Variants in MPP7 observed in about 807,000 individuals in gnomAD.
The protein encoded by MPP7 is MAGUK p55 scaffold protein 7, also known as MAGUK p55 subfamily member 7.
A neutral mutation model predicts 76.5 loss-of-function variants in MPP7; 60 were observed. The ratio of observed to expected loss-of-function variants is 0.78; its 90% CI spans 0.64 to 0.97. The LOEUF (loss-of-function observed/expected upper bound fraction) is 0.97. Ranked by LOEUF, MPP7 falls within the 50% of genes least tolerant of loss-of-function variation. MPP7 has a pLI of 0.00. For missense variants in MPP7, 641 were observed against 694.0 expected (o/e 0.92, Z 0.86); for synonymous variants, 237 against 244.5 (o/e 0.97, Z 0.29).
At chr10:28,302,325 T>C (rs1286551374) in intron 1 of MPP7, among the ~76,000 whole-genome samples, 9 of 152,336 alleles carry the variant, frequency 5.9e-5, no homozygotes, top group African/African-American at 1.9e-4. Flanking sequence ...CTGCTTTTAA[T>C]TTTTTAAATA....
upstream of MPP7, among the ~76,000 whole-genome samples, chr10:28,303,797 G>A (rs551313575): frequency 2.6e-5 from 4 of 152,194 alleles, no homozygotes; most frequent in East Asian, 7.7e-4. Flanking sequence ...GGGCTACCCC[G>A]AAAAAACATG....
intron 3 of MPP7, among the ~76,000 whole-genome samples, chr10:28,161,074 G>A (rs1405844518): frequency 6.6e-6 from 1 of 152,084 alleles, no homozygotes; most frequent in African/African-American, 2.4e-5. Flanking sequence ...TTATAACATG[G>A]TCCCAGACTA....
intron 11 of MPP7, among the ~76,000 whole-genome samples, chr10:28,102,269 A>G (rs1487359982): frequency 1.3e-5 from 2 of 152,098 alleles, no homozygotes; most frequent in African/African-American, 4.8e-5. Context: ...CAGCCTCCGG[A>G]GTAGTTGGGA....
chr10:28,213,375 C>T (rs7893935), intron 2 of MPP7, among the ~76,000 whole-genome samples: 27,061 of 151,916 alleles, frequency 0.18, 2,757 homozygotes, highest in African/African-American at 0.27. Flanking sequence ...AGATGCCCCA[C>T]GTGGGGCAAA....
At chr10:28,175,036 T>C (rs985172635) in intron 3 of MPP7, among the ~76,000 whole-genome samples, 1 of 152,128 alleles carries the variant, frequency 6.6e-6, no homozygotes, top group Non-Finnish European at 1.5e-5. Context: ...GCTCATGCCA[T>C]CCCAGCACTT....
At chr10:28,314,292 T>G (rs1228600072) in intron 2 of MPP7, among the ~76,000 whole-genome samples, 1 of 152,214 alleles carries the variant, frequency 6.6e-6, no homozygotes, top group Non-Finnish European at 1.5e-5. Flanking sequence ...TTCACAGAAT[T>G]CTGATTTGTG....
chr10:28,130,562 G>A (rs552085801), intron 6 of MPP7, among the ~76,000 whole-genome samples: 5 of 152,282 alleles, frequency 3.3e-5, no homozygotes, highest in African/African-American at 9.6e-5. Context: ...TTTCAGCTTA[G>A]CTTCCAGCAC....
chr10:28,192,272 G>T (rs1262905952), intron 3 of MPP7, among the ~76,000 whole-genome samples: 1 of 152,054 alleles, frequency 6.6e-6, no homozygotes, highest in African/African-American at 2.4e-5. Flanking sequence ...CACTATATGA[G>T]AATTCCTAGC....
At chr10:28,164,404 T>C (rs1836373556) in intron 3 of MPP7, among the ~76,000 whole-genome samples, 1 of 151,976 alleles carries the variant, frequency 6.6e-6, no homozygotes, top group South Asian at 2.1e-4. Flanking sequence ...TATAGCTAAC[T>C]ATCCACTATT....
intron 2 of MPP7, among the ~76,000 whole-genome samples, chr10:28,215,165 A>G (rs1838267806): frequency 6.6e-6 from 1 of 151,738 alleles, no homozygotes; most frequent in Non-Finnish European, 1.5e-5. Context: ...ATCTTTAAAA[A>G]CTCTGCTCCC....
intron 2 of MPP7, among the ~76,000 whole-genome samples, chr10:28,327,023 A>T (rs190688213): frequency 1.3e-5 from 2 of 152,288 alleles, no homozygotes; most frequent in African/African-American, 4.8e-5. Flanking sequence ...GAGAGTCTGG[A>T]TACATTCCTC....
intron 2 of MPP7, among the ~76,000 whole-genome samples, chr10:28,219,766 T>C (rs1165245946): frequency 6.6e-6 from 1 of 152,114 alleles, no homozygotes; most frequent in Non-Finnish European, 1.5e-5. Flanking sequence ...AGAACATATA[T>C]CGACGCCCAG....
intron 3 of MPP7, among the ~76,000 whole-genome samples, chr10:28,176,458 G>A (rs1257928339): frequency 6.6e-6 from 1 of 152,190 alleles, no homozygotes; most frequent in Non-Finnish European, 1.5e-5. Flanking sequence ...GCACTGGCTG[G>A]GCATGGTGGC....
At chr10:28,169,144 G>A (rs905203391) in intron 3 of MPP7, among the ~76,000 whole-genome samples, 1 of 151,976 alleles carries the variant, frequency 6.6e-6, no homozygotes, top group Non-Finnish European at 1.5e-5. Flanking sequence ...ATCAGGTGTG[G>A]GTTGGCTTGT....
At chr10:28,087,028 C>T (rs1188903942) in intron 12 of MPP7, among the ~76,000 whole-genome samples, 5 of 152,290 alleles carry the variant, frequency 3.3e-5, no homozygotes, top group Admixed American at 2.6e-4. Flanking sequence ...AATTTGATCC[C>T]AGCATTGGAA....
At chr10:28,063,355 G>C (rs1038972549) in intron 13 of MPP7, among the ~76,000 whole-genome samples, 1 of 151,900 alleles carries the variant, frequency 6.6e-6, no homozygotes, top group Non-Finnish European at 1.5e-5. Flanking sequence ...CCACCTACTC[G>C]GGAGGCTGAG....
chr10:28,190,522 A>G (rs2133944273), intron 3 of MPP7, among the ~76,000 whole-genome samples: 2 of 152,324 alleles, frequency 1.3e-5, no homozygotes, highest in African/African-American at 4.8e-5. Context: ...TAACAGAAAG[A>G]CAGCAGGAAA....
intron 3 of MPP7, among the ~76,000 whole-genome samples, chr10:28,160,267 G>A (rs1225992477): frequency 6.6e-6 from 1 of 152,176 alleles, no homozygotes; most frequent in Admixed American, 6.5e-5. Context: ...GCAGCCAAGT[G>A]CTTTCTGAGT....
intron 1 of MPP7, among the ~76,000 whole-genome samples, chr10:28,264,943 A>T (rs1840095711): frequency 1.3e-5 from 2 of 152,182 alleles, no homozygotes; most frequent in Admixed American, 1.3e-4. Flanking sequence ...GATATTGAGA[A>T]ATATAAAAAT....
Sources: gnomAD v4.1 joint callset for allele counts (sites outside exome capture counted in the v4.1 genomes callset) on GRCh38, gnomAD v4.1.1 for gene constraint, MANE v1.5 for transcripts, NCBI Gene and HGNC (gene_info 2026-07-23, HGNC 2026-07-21) for gene names.